Variants in WSCD2 observed in about 807,000 individuals in gnomAD.
WSCD2 encodes WSC domain sialate O sulfotransferase 2, also known as sialate:O-sulfotransferase 2.
WSCD2 carries 28 observed loss-of-function variants against 55.7 expected under a neutral mutation model. The observed-to-expected ratio is 0.50, with a 90% CI of 0.37 to 0.69. WSCD2 has a LOEUF of 0.69. Among genes scored for constraint, WSCD2 ranks in the 30% least tolerant of loss-of-function variants. WSCD2 has a pLI of 0.00. For synonymous variants in WSCD2, 301 were observed against 301.9 expected, an observed-to-expected ratio of 1.00 and a Z score of 0.03; for missense variants, 616 against 762.1, an observed-to-expected ratio of 0.81 and a Z score of 2.26.
At chr12:108,212,618 C>CACACAG (rs1555235828) in intron 4 of WSCD2, among the ~76,000 whole-genome samples, 22 of 149,710 alleles carry the variant, frequency 1.5e-4, no homozygotes, top group African/African-American at 4.4e-4. Context: ...CTCTCTCACA[C>CACACAG]ACACACACAC....
At chr12:108,156,500 G>T (rs535530621) in intron 1 of WSCD2, among the ~76,000 whole-genome samples, 1 of 152,298 alleles carries the variant, frequency 6.6e-6, no homozygotes, top group African/African-American at 2.4e-5. Flanking sequence ...ACCTTGGGTT[G>T]TTGAGCAGAG....
intron 8 of WSCD2, among the ~76,000 whole-genome samples, chr12:108,243,396 C>T (rs1889892250): frequency 1.3e-5 from 2 of 152,150 alleles, no homozygotes; most frequent in Admixed American, 6.5e-5. Context: ...CAGCACCACA[C>T]CTGGCTAATT....
intron 1 of WSCD2, among the ~76,000 whole-genome samples, chr12:108,160,288 A>G (rs1820062246): frequency 6.6e-6 from 1 of 152,216 alleles, no homozygotes; most frequent in South Asian, 2.1e-4. Context: ...CTCTGTAGCT[A>G]TAGGATAGGA....
chr12:108,143,788 T>C (rs970132105), intron 1 of WSCD2, among the ~76,000 whole-genome samples: 1 of 152,076 alleles, frequency 6.6e-6, no homozygotes, highest in African/African-American at 2.4e-5. Flanking sequence ...TCCCTCCCAT[T>C]TGGTTGACAA....
chr12:108,145,714 C>T (rs549338288), intron 1 of WSCD2, among the ~76,000 whole-genome samples: 13 of 152,292 alleles, frequency 8.5e-5, no homozygotes, highest in Non-Finnish European at 1.6e-4. Context: ...AAAACAGGAA[C>T]TGCTGAAATG....
intron 1 of WSCD2, among the ~76,000 whole-genome samples, chr12:108,161,914 C>T (rs892515171): frequency 1.3e-5 from 2 of 152,166 alleles, no homozygotes; most frequent in African/African-American, 2.4e-5. Flanking sequence ...ATCAGAATAA[C>T]GAATGAGACC....
At chr12:108,234,596 A>T (rs1163496097) in intron 7 of WSCD2, among the ~76,000 whole-genome samples, 1 of 152,258 alleles carries the variant, frequency 6.6e-6, no homozygotes, top group Admixed American at 6.5e-5. Flanking sequence ...GGCTGTCAGC[A>T]GTCCCTATGA....
chr12:108,183,218 C>T (rs1029103475), intron 1 of WSCD2, among the ~76,000 whole-genome samples: 2 of 152,154 alleles, frequency 1.3e-5, no homozygotes, highest in African/African-American at 4.8e-5. Flanking sequence ...ATGAAGAAAC[C>T]ACCTTTGGTC....
rs372802789 is a variant in WSCD2 at position 108,250,171 on chromosome 12, A to AGTGT, written c.*1853_*1856dup. 16,084 of 146,424 alleles carry AGTGT rather than the reference A, an allele frequency of 0.11. 1,444 individuals carry two copies. Among genetic ancestry groups the AGTGT allele is most frequent in the African/African-American group, 0.25 (9,820 of 39,230 alleles). 9.1% of individuals were successfully genotyped at this position (146,424 alleles called of 1,614,324 possible). A position where few individuals can be genotyped will look rare whatever the true frequency, so the allele number is the denominator to read the frequency against. ...AGGTTCACAAATGGGATGTTTTCCT[A>AGTGT]GTGTGTGTGTGTGTGTGTGTGTGTG... On this transcript the variant is annotated 3_prime_UTR_variant, in exon 9 of 9. Coordinates refer to ENST00000547525, the MANE Select transcript of WSCD2 (RefSeq NM_014653.4).
intron 1 of WSCD2, among the ~76,000 whole-genome samples, chr12:108,179,832 A>G (rs2136995794): frequency 6.6e-6 from 1 of 152,264 alleles, no homozygotes; most frequent in Admixed American, 6.5e-5. Flanking sequence ...GGAGAATAGC[A>G]CTCGCCTTCT....
At chr12:108,130,316 AG>A (rs1266749569) in intron 1 of WSCD2, among the ~76,000 whole-genome samples, 1 of 152,086 alleles carries the variant, frequency 6.6e-6, no homozygotes, top group African/African-American at 2.4e-5. Context: ...TCCAAGGGAG[AG>A]GGAGCTAGTC....
intron 6 of WSCD2, among the ~76,000 whole-genome samples, chr12:108,231,433 C>T (rs1888739015): frequency 6.6e-6 from 1 of 152,208 alleles, no homozygotes; most frequent in East Asian, 1.9e-4. Flanking sequence ...TTTCTGTTAA[C>T]TCTGATGGTA....
At chr12:108,150,370 G>C (rs1877848551) in intron 1 of WSCD2, among the ~76,000 whole-genome samples, 1 of 152,154 alleles carries the variant, frequency 6.6e-6, no homozygotes, top group Admixed American at 6.5e-5. Flanking sequence ...CAAAGGGAGA[G>C]GCTAGAGTGT....
chr12:108,181,894 C>T (rs1881817645), intron 1 of WSCD2, among the ~76,000 whole-genome samples: 1 of 152,234 alleles, frequency 6.6e-6, no homozygotes, highest in African/African-American at 2.4e-5. Flanking sequence ...TAAACAGTTA[C>T]TGCAGGTAAC....
At chr12:108,247,029 T>C (rs2137252698) in intron 8 of WSCD2, among the ~76,000 whole-genome samples, 1 of 152,348 alleles carries the variant, frequency 6.6e-6, no homozygotes, top group African/African-American at 2.4e-5. Context: ...ATGTTTTTTC[T>C]ACTTTGTACA....
rs916158599 is a variant in WSCD2 at position 108,129,533 on chromosome 12, G to A, written c.-945G>A. On this transcript the variant is annotated 5_prime_UTR_variant, in exon 1 of 9. Transcript: ENST00000547525. ...GCTCGGGGCACCCGCAGTGCCGCCCGCCCGAGCGCCAGGCTCACAGGAGCC... is the reference window on the plus strand; with the variant it reads ...GCTCGGGGCACCCGCAGTGCCGCCCACCCGAGCGCCAGGCTCACAGGAGCC... 1 of 151,624 alleles carries A rather than the reference G, an allele frequency of 6.6e-6. No homozygotes were observed. The highest frequency in any genetic ancestry group is 1.5e-5 in the Non-Finnish European group (1 of 67,786). The allele number at this position is 151,624 out of a possible 1,614,324, so 9.4% of individuals were successfully genotyped here.
chr12:108,233,040 G>C, intron 7 of WSCD2, 145 bp downstream of exon 7: 1 of 1,095,178 alleles, frequency 9.1e-7, no homozygotes, highest in South Asian at 1.7e-5. Context: ...CTCACTGCAT[G>C]CTTGGTACCC....
chr12:108,157,334 T>C (rs1257312315), intron 1 of WSCD2, among the ~76,000 whole-genome samples: 1 of 152,186 alleles, frequency 6.6e-6, no homozygotes, highest in Non-Finnish European at 1.5e-5. Context: ...TACATTATTA[T>C]TACCTGAAGT....
In WSCD2 at chr12:108,210,378, C is replaced by T; in HGVS notation, c.682+73C>T. On this transcript the variant is annotated intron_variant, in intron 4 of 8. Coordinates refer to ENST00000547525, the MANE Select transcript of WSCD2 (RefSeq NM_014653.4). This position sits in a 1 kb window ranked among gnomAD's most constrained non-coding sequence, Gnocchi z 4.3. Reference sequence around the variant, plus strand: ...AGCCCTTGCCCACCAAAGAGTCCCACATGTCTGCCCTGTACCCTCCATGGC... The same window carrying T: ...AGCCCTTGCCCACCAAAGAGTCCCATATGTCTGCCCTGTACCCTCCATGGC... The T allele has an allele frequency of 6.7e-7, 1 of 1,496,084 alleles. No homozygotes were observed. The highest frequency in any genetic ancestry group is 8.9e-7 in the Non-Finnish European group (1 of 1,124,434). 92.7% of individuals were successfully genotyped at this position (1,496,084 alleles called of 1,614,324 possible).
Sources: gnomAD v4.1 joint callset for allele counts (sites outside exome capture counted in the v4.1 genomes callset) on GRCh38, gnomAD v4.1.1 for gene constraint, Gnocchi (gnomAD v3.1) non-coding constraint, MANE v1.5 for transcripts, NCBI Gene and HGNC (gene_info 2026-07-23, HGNC 2026-07-21) for gene names.